The following CACNA1A variants were observed in gnomAD, a reference collection of about 807,000 sequenced individuals.
CACNA1A encodes the protein voltage-dependent P/Q-type calcium channel subunit alpha-1A.
A neutral mutation model predicts 262.4 loss-of-function variants in CACNA1A; 57 were observed. The ratio of observed to expected loss-of-function variants is 0.22; its 90% confidence interval spans 0.18 to 0.27. The LOEUF is 0.27. Among genes scored for constraint, CACNA1A ranks in the 10% least tolerant of loss-of-function variants. CACNA1A has a pLI of 1.00. For missense variants in CACNA1A, 2,526 were observed against 3,562.8 expected (o/e 0.71, Z 7.41); for synonymous variants, 1,431 against 1,419.3 (o/e 1.01, Z -0.18).
intron 26 of CACNA1A, chr19:13,261,228 G>A: frequency 4.1e-6 from 2 of 483,032 alleles, no homozygotes; most frequent in East Asian, 6.3e-5. Context: ...GTGGCTGAAA[G>A]GTCAATCAAT....
intron 4 of CACNA1A, among the ~76,000 whole-genome samples, chr19:13,369,553 T>A (rs2059281456): frequency 6.6e-6 from 1 of 152,192 alleles, no homozygotes; most frequent in South Asian, 2.1e-4. Context: ...CATCTGTAAA[T>A]GGGGACTGCA....
intron 1 of CACNA1A, among the ~76,000 whole-genome samples, chr19:13,494,719 G>C (rs1981292063): frequency 6.6e-6 from 1 of 152,132 alleles, no homozygotes. Flanking sequence ...ATGGCAGAAG[G>C]CAAAGGGAAA....
At chr19:13,369,037 CAAAAAAAAAA>C (rs71170503) in intron 4 of CACNA1A, among the ~76,000 whole-genome samples, 2 of 48,794 alleles carry the variant, frequency 4.1e-5, no homozygotes, top group African/African-American at 7.3e-5. Context: ...GACTCCGTCT[CAAAAAAAAAA>C]AAAAAAAAAA....
At chr19:13,261,386 T>C in intron 26 of CACNA1A, 64 bp downstream of exon 26, 2 of 1,451,634 alleles carry the variant, frequency 1.4e-6, no homozygotes, top group South Asian at 2.7e-5. Flanking sequence ...CCAATGCCTC[T>C]AGCCACTTCC....
At chr19:13,369,037 CAAA>C (rs71170503) in intron 4 of CACNA1A, among the ~76,000 whole-genome samples, 3 of 48,788 alleles carry the variant, frequency 6.1e-5, no homozygotes. Flanking sequence ...GACTCCGTCT[CAAA>C]AAAAAAAAAA....
In CACNA1A at chr19:13,415,743, T is replaced by TAAAAAAAAAAAAAAAAAAAAAAAAAAAAA. The variant is rs71170510; in HGVS notation, c.539+37104_539+37132dup. 2.6e-4 allele frequency among the ~76,000 whole-genome samples: 11 copies of TAAAAAAAAAAAAAAAAAAAAAAAAAAAAA among 42,512 alleles called. 1 individual carries two copies. Among genetic ancestry groups the TAAAAAAAAAAAAAAAAAAAAAAAAAAAAA allele is most frequent in the East Asian group, 8.6e-4 (1 of 1,160 alleles). 27.9% of individuals were successfully genotyped at this position (42,512 alleles called of 152,430 possible). On this transcript the variant is annotated intron_variant, in intron 3 of 46. Transcript: ENST00000360228. ...CAACAGAGCGAGACTCTGTCTCAAT[T>TAAAAAAAAAAAAAAAAAAAAAAAAAAAAA]AAAAAAAAAAAAAAAAAAAAAAAAA...
chr19:13,301,209 G>A (rs1056168243), intron 17 of CACNA1A, among the ~76,000 whole-genome samples: 2 of 151,692 alleles, frequency 1.3e-5, no homozygotes, highest in African/African-American at 4.8e-5. Context: ...TCCCATTTCG[G>A]CCTCCCAAAG....
Position 13,293,604 on chromosome 19 carries a change from C to T in CACNA1A, c.3089+4940G>A, listed in dbSNP as rs532424195. Among the ~76,000 whole-genome samples the T allele has an allele frequency of 6.1e-4, 90 of 148,046 alleles. No individual in the cohort carries two copies. The East Asian group carries it at 0.017, about 28-fold the overall frequency. On this transcript the variant is annotated intron_variant, in intron 19 of 46. Coordinates refer to ENST00000360228, the MANE Select transcript of CACNA1A (RefSeq NM_001127222.2). ...TGGGACTACAGGCGTGCACCACCTACGCCCGGCTAATTTTTTTTTTTTTTG... is the reference window on the plus strand; with the variant it reads ...TGGGACTACAGGCGTGCACCACCTATGCCCGGCTAATTTTTTTTTTTTTTG...
chr19:13,488,763 T>C (rs1281253549), intron 1 of CACNA1A, among the ~76,000 whole-genome samples: 1 of 151,940 alleles, frequency 6.6e-6, no homozygotes, highest in Non-Finnish European at 1.5e-5. Context: ...GGAATCTCAC[T>C]GAAGAGCAGA....
chr19:13,474,651 T>C (rs1436737063), intron 1 of CACNA1A, among the ~76,000 whole-genome samples: 2 of 152,106 alleles, frequency 1.3e-5, no homozygotes, highest in African/African-American at 2.4e-5. Flanking sequence ...ACCCCGTCTC[T>C]ACTAAAAATA....
chr19:13,354,000 A>G (rs60160458), intron 6 of CACNA1A, among the ~76,000 whole-genome samples: 15,674 of 152,102 alleles, frequency 0.1, 941 homozygotes, highest in Admixed American at 0.17. Context: ...CATGTTTACC[A>G]TTTGCATCTG....
At chr19:13,437,586 G>A (rs1041091903) in intron 3 of CACNA1A, among the ~76,000 whole-genome samples, 4 of 150,640 alleles carry the variant, frequency 2.7e-5, no homozygotes, top group Admixed American at 1.3e-4. Flanking sequence ...AGCTACTCAG[G>A]AGGCTGAGGT....
In CACNA1A at chr19:13,330,588, GTTTA is replaced by G. The variant is rs142629187; in HGVS notation, c.1256-259_1256-256del. Among the ~76,000 whole-genome samples, 56,258 of 151,268 alleles carry G rather than the reference GTTTA, an allele frequency of 0.37. 11,786 individuals carry two copies. The highest frequency in any genetic ancestry group is 0.81 in the East Asian group (4,133 of 5,108). ...GCCCTCAGCCACTATTTTCCTTCTG[GTTTA>G]TTTATTTATTTGTTTATTTATTTTG... On this transcript the variant is annotated intron_variant, in intron 9 of 46. Coordinates refer to ENST00000360228, the MANE Select transcript of CACNA1A (RefSeq NM_001127222.2).
chr19:13,505,030 G>C (rs1982850481), intron 1 of CACNA1A, among the ~76,000 whole-genome samples: 1 of 152,050 alleles, frequency 6.6e-6, no homozygotes, highest in African/African-American at 2.4e-5. Context: ...TGATTCTCCT[G>C]GTGTTCCCTC....
At chr19:13,365,245 C>T in intron 5 of CACNA1A, 72 bp downstream of exon 5, 1 of 1,386,094 alleles carries the variant, frequency 7.2e-7, no homozygotes, top group Non-Finnish European at 1.0e-6. Flanking sequence ...AAGCACACCC[C>T]TGCCTAATCC....
chr19:13,227,877 C>T lies in CACNA1A; in HGVS notation c.5529-350G>A, dbSNP rs80205882. Among the ~76,000 whole-genome samples the T allele has an allele frequency of 2.7e-3, 384 of 140,912 alleles. 2 individuals carry two copies. The highest frequency in any genetic ancestry group is 9.1e-3 in the African/African-American group (341 of 37,546). The allele number at this position is 140,912 out of a possible 152,430, so 92.4% of individuals were successfully genotyped here. On this transcript the variant is annotated intron_variant, in intron 36 of 46. Coordinates refer to ENST00000360228, the MANE Select transcript of CACNA1A (RefSeq NM_001127222.2). ...GAGGGAGAATTCTCACTTTGGAAGACGTAGAGCCATGCTTTTGTTCATTGC... is the reference window on the plus strand; with the variant it reads ...GAGGGAGAATTCTCACTTTGGAAGATGTAGAGCCATGCTTTTGTTCATTGC...
intron 28 of CACNA1A, chr19:13,256,261 GTGTTAAGATT>G (rs2056567165): frequency 6.6e-6 from 1 of 151,820 alleles, no homozygotes; most frequent in African/African-American, 2.4e-5. Flanking sequence ...GCCTCCTAAA[GTGTTAAGATT>G]ACAGGCGTGA....
intron 3 of CACNA1A, among the ~76,000 whole-genome samples, chr19:13,386,634 A>T (rs1014365218): frequency 3.3e-5 from 5 of 152,024 alleles, no homozygotes; most frequent in African/African-American, 1.2e-4. Context: ...ACTAAAAAAA[A>T]TACAAAAAAT....
chr19:13,270,494 A>G (rs1055352827), intron 24 of CACNA1A, among the ~76,000 whole-genome samples: 2 of 152,142 alleles, frequency 1.3e-5, no homozygotes, highest in Admixed American at 6.5e-5. Context: ...CAACTATCCG[A>G]TAACAAGGAA....
Sources: allele counts gnomAD v4.1 joint callset (sites outside exome capture counted in the v4.1 genomes callset), GRCh38; gene constraint gnomAD v4.1.1; transcripts MANE v1.5; gene names NCBI Gene and HGNC (gene_info 2026-07-23, HGNC 2026-07-21).